The following MYBPHL variants were observed in gnomAD, a reference collection of about 807,000 sequenced individuals.
MYBPHL encodes the protein myosin binding protein H like.
MYBPHL carries 32 observed loss-of-function variants against 39.5 expected under a neutral mutation model. The observed-to-expected ratio is 0.81, with a 90% confidence interval of 0.61 to 1.09. MYBPHL has a LOEUF of 1.09. Among genes scored for constraint, MYBPHL ranks in the 50% least tolerant of loss-of-function variants. The pLI is 0.00. For synonymous variants in MYBPHL, 196 were observed against 183.7 expected, an observed-to-expected ratio of 1.07 and a Z score of -0.54; for missense variants, 456 against 460.2, an observed-to-expected ratio of 0.99 and a Z score of 0.08.
chr1:109,293,647 G>A (rs1357977029), intron 8 of MYBPHL, among the ~76,000 whole-genome samples: 3 of 151,984 alleles, frequency 2.0e-5, no homozygotes, highest in African/African-American at 7.3e-5. Context: ...GGCTGAGGCA[G>A]GAGAATGGCA....
Position 109,306,992 on chromosome 1 carries a change from G to A in MYBPHL, c.-1C>T. On this transcript the variant is annotated 5_prime_UTR_variant, in exon 1 of 9. Coordinates refer to ENST00000357155, the MANE Select transcript of MYBPHL (RefSeq NM_001010985.3). ...CCTCCGGAGCTGTGGCTGCCTCCAT[G>A]CTGGGCCTTCCCAGAGGCTGAGCTC... 1 of 1,609,500 alleles carries A rather than the reference G, an allele frequency of 6.2e-7. No homozygotes were observed. The highest frequency in any genetic ancestry group is 1.7e-4 in the Middle Eastern group (1 of 6,024).
At chr1:109,304,957 GCT>G (rs1658412515) in intron 1 of MYBPHL, among the ~76,000 whole-genome samples, 1 of 152,204 alleles carries the variant, frequency 6.6e-6, no homozygotes, top group Non-Finnish European at 1.5e-5. Flanking sequence ...CAGTCCCAGA[GCT>G]CTCTGTAAGG....
Position 109,306,827 on chromosome 1 carries a change from C to T in MYBPHL, c.145+20G>A. The stretch of plus-strand genomic sequence containing the variant: ...TCCCACCACCCGGCCTCCCCACCCT[C>T]CCCACCTGCCATGGGTCACCTTCTA... On this transcript the variant is annotated intron_variant, in intron 1 of 8. Coordinates refer to ENST00000357155, the MANE Select transcript of MYBPHL (RefSeq NM_001010985.3). The T allele has an allele frequency of 6.5e-7, 1 of 1,545,072 alleles. No individual in the cohort carries two copies.
At chr1:109,298,419 G>A (rs187078895) in intron 1 of MYBPHL, among the ~76,000 whole-genome samples, 162 bp from the exon 2 acceptor site, 295 of 152,198 alleles carry the variant, frequency 1.9e-3, no homozygotes, top group African/African-American at 6.8e-3. Flanking sequence ...TGGGATTTGG[G>A]GATGAGGGGT....
intron 8 of MYBPHL, among the ~76,000 whole-genome samples, chr1:109,293,740 A>AAAAT (rs59376361): frequency 0.47 from 68,284 of 144,358 alleles, 16,928 homozygotes; most frequent in Admixed American, 0.55. Flanking sequence ...ACTCTGTCTC[A>AAAAT]AAATAAATAA....
rs765437334 is a variant in MYBPHL, at chr1:109,297,655, G to A, written c.235-38C>T. Reference sequence around the variant, plus strand: ...GGTAATGCTTTGAGCAGCCCCGAGAGGCTTCCTGACTCTCCCTGCTGCTGT... The same window carrying A: ...GGTAATGCTTTGAGCAGCCCCGAGAAGCTTCCTGACTCTCCCTGCTGCTGT... On this transcript the variant is annotated intron_variant, in intron 2 of 8. Transcript: ENST00000357155. 2.5e-6 allele frequency: 4 copies of A among 1,574,150 alleles called. No individual in the cohort carries two copies. In the South Asian group the frequency reaches 3.5e-5, roughly 14 times the overall value.
chr1:109,305,341 T>C (rs915501634), intron 1 of MYBPHL, among the ~76,000 whole-genome samples: 3 of 152,208 alleles, frequency 2.0e-5, no homozygotes, highest in Non-Finnish European at 4.4e-5. Context: ...GGTGTTCTTA[T>C]TGCCAGTGAC....
At chr1:109,299,929 A>G (rs966240526) in intron 1 of MYBPHL, among the ~76,000 whole-genome samples, 1 of 152,218 alleles carries the variant, frequency 6.6e-6, no homozygotes, top group Non-Finnish European at 1.5e-5. Flanking sequence ...GCAAGCAACC[A>G]AAGAGTTGAA....
At position 109,304,073 on chromosome 1, in the gene MYBPHL, G is replaced by A. The variant is rs536595689; in HGVS notation, c.145+2774C>T. Among the ~76,000 whole-genome samples the A allele has an allele frequency of 1.1e-3, 162 of 152,238 alleles. 1 individual carries two copies. Among genetic ancestry groups the A allele is most frequent in the African/African-American group, 3.6e-3 (149 of 41,536 alleles). On this transcript the variant is annotated intron_variant, in intron 1 of 8. Transcript: ENST00000357155. ...CCTGCATGCTTCCTACCCGAAGCAC[G>A]TTCTATCCCCGTCCCTGCATTAGTT... is the stretch of plus-strand genomic sequence containing the variant.
At chr1:109,302,041 G>A (rs1177332846) in intron 1 of MYBPHL, among the ~76,000 whole-genome samples, 1 of 151,508 alleles carries the variant, frequency 6.6e-6, no homozygotes, top group East Asian at 1.9e-4. Context: ...GTATGAGTGT[G>A]TATGTATGTG....
chr1:109,297,919 CTCTGAGGCT>C (rs1658143420), intron 2 of MYBPHL, among the ~76,000 whole-genome samples: 1 of 152,222 alleles, frequency 6.6e-6, no homozygotes, highest in Non-Finnish European at 1.5e-5. Context: ...TAACTGCAAG[CTCTGAGGCT>C]TCTGTAGACT....
At chr1:109,296,130 A>G (rs989072312) in intron 6 of MYBPHL, 104 bp downstream of exon 6, 5 of 1,426,752 alleles carry the variant, frequency 3.5e-6, no homozygotes, top group Non-Finnish European at 4.8e-6. Context: ...GATGGCGGTG[A>G]TGGTAACAGA....
intron 1 of MYBPHL, among the ~76,000 whole-genome samples, chr1:109,301,609 CGG>C (rs1304873836): frequency 1.3e-5 from 2 of 151,934 alleles, no homozygotes; most frequent in African/African-American, 4.8e-5. Context: ...GGTGTGGTGG[CGG>C]GCACCTGTAA....
At chr1:109,297,259 C>G (rs1658110783) in intron 3 of MYBPHL, 70 bp from the exon 4 acceptor site, 1 of 1,606,182 alleles carries the variant, frequency 6.2e-7, no homozygotes, top group Non-Finnish European at 8.5e-7. Context: ...CAGGAGTGCC[C>G]TAGCCCCTTT....
chr1:109,297,675 T>A, intron 2 of MYBPHL, 58 bp from the exon 3 acceptor site: 7 of 1,474,480 alleles, frequency 4.7e-6, no homozygotes, highest in Non-Finnish European at 6.5e-6. Flanking sequence ...CTCTCCCTGC[T>A]GCTGTAGGGG....
At chr1:109,302,177 A>G (rs1243837049) in intron 1 of MYBPHL, among the ~76,000 whole-genome samples, 1 of 151,816 alleles carries the variant, frequency 6.6e-6, no homozygotes, top group Non-Finnish European at 1.5e-5. Context: ...TGTGAGAGAG[A>G]GAGGGAGCCT....
chr1:109,299,621 C>T (rs978148098), intron 1 of MYBPHL, among the ~76,000 whole-genome samples: 1 of 152,224 alleles, frequency 6.6e-6, no homozygotes, highest in Non-Finnish European at 1.5e-5. Context: ...ACAGTGCACA[C>T]GGTCCGTTTG....
intron 2 of MYBPHL, 59 bp downstream of exon 2, chr1:109,298,110 C>A: frequency 6.9e-7 from 1 of 1,454,286 alleles, no homozygotes; most frequent in African/African-American, 1.4e-5. Context: ...TATCTGTTTC[C>A]AAATCCAAAA....
At chr1:109,301,941 A>C (rs1430892491) in intron 1 of MYBPHL, among the ~76,000 whole-genome samples, 1 of 152,160 alleles carries the variant, frequency 6.6e-6, no homozygotes, top group South Asian at 2.1e-4. Context: ...TAGGGGCTGT[A>C]TAGTTCAGAC....
Sources: gnomAD v4.1 joint callset for allele counts (sites outside exome capture counted in the v4.1 genomes callset) on GRCh38, gnomAD v4.1.1 for gene constraint, MANE v1.5 for transcripts, NCBI Gene and HGNC (gene_info 2026-07-23, HGNC 2026-07-21) for gene names.